Variants in MELK observed in about 807,000 individuals in gnomAD.
The protein encoded by MELK is maternal embryonic leucine zipper kinase.
MELK carries 81 observed loss-of-function variants against 85.0 expected under a neutral mutation model. The observed-to-expected ratio is 0.95, with a 90% CI of 0.80 to 1.15. The LOEUF is 1.15. Ranked by LOEUF, MELK falls within the 50% of genes most tolerant of loss-of-function variation. The pLI is 0.00. For missense variants in MELK, 754 were observed against 777.5 expected, an observed-to-expected ratio of 0.97 and a Z score of 0.36; for synonymous variants, 252 against 265.0, an observed-to-expected ratio of 0.95 and a Z score of 0.48.
chr9:36,628,612 G>T (rs774689926), intron 8 of MELK, among the ~76,000 whole-genome samples: 54 of 151,698 alleles, frequency 3.6e-4, no homozygotes, highest in Admixed American at 1.1e-3. Flanking sequence ...TAGAGACGGG[G>T]TTTCACCATG....
intron 14 of MELK, among the ~76,000 whole-genome samples, chr9:36,667,022 GTC>G (rs1832444058): frequency 6.6e-6 from 1 of 151,962 alleles, no homozygotes; most frequent in Non-Finnish European, 1.5e-5. Flanking sequence ...CAATGAAAGG[GTC>G]TCTTTCTGTT....
At chr9:36,615,026 G>A (rs1256066552) in intron 8 of MELK, among the ~76,000 whole-genome samples, 2 of 143,402 alleles carry the variant, frequency 1.4e-5, no homozygotes, top group South Asian at 2.3e-4. Context: ...GGGCAGAGGC[G>A]CCCCTCACCT....
chr9:36,662,304 G>A (rs1409456422), intron 13 of MELK, among the ~76,000 whole-genome samples: 4 of 148,166 alleles, frequency 2.7e-5, no homozygotes, highest in South Asian at 2.1e-4. Flanking sequence ...GTGCAATGGC[G>A]TGATCTCAGG....
At chr9:36,654,214 ATC>A (rs10596160) in intron 12 of MELK, among the ~76,000 whole-genome samples, 5,934 of 152,212 alleles carry the variant, frequency 0.039, 317 homozygotes, top group African/African-American at 0.11. Context: ...TGAATTTTGC[ATC>A]TGCTCAAGGT....
chr9:36,602,910 G>T (rs190508887), intron 7 of MELK, among the ~76,000 whole-genome samples: 1 of 152,246 alleles, frequency 6.6e-6, no homozygotes, highest in Admixed American at 6.5e-5. Context: ...AGATAAAGAA[G>T]ATGAAGAAAC....
At chr9:36,587,602 A>G (rs1194422180) in intron 3 of MELK, among the ~76,000 whole-genome samples, 1 of 148,398 alleles carries the variant, frequency 6.7e-6, no homozygotes, top group Non-Finnish European at 1.5e-5. Flanking sequence ...GGCATGAGCC[A>G]CTGTAGAGCC....
intron 9 of MELK, 102 bp downstream of exon 9, chr9:36,630,469 C>G (rs1828440306): frequency 4.4e-6 from 4 of 903,768 alleles, no homozygotes; most frequent in Non-Finnish European, 7.1e-6. Flanking sequence ...TGAAAAAAAT[C>G]CCACTCATAT....
chr9:36,638,715 C>T (rs1829449043), intron 10 of MELK, among the ~76,000 whole-genome samples: 1 of 152,092 alleles, frequency 6.6e-6, no homozygotes, highest in Admixed American at 6.6e-5. Context: ...AGGATAGTAC[C>T]TTTAAGAGTC....
intron 14 of MELK, among the ~76,000 whole-genome samples, chr9:36,668,766 G>A (rs1355033500): frequency 6.6e-6 from 1 of 152,080 alleles, no homozygotes; most frequent in Admixed American, 6.6e-5. Flanking sequence ...GCCCTCCTCG[G>A]CCTCCCAAGG....
At chr9:36,659,738 G>T (rs1362213004) in intron 13 of MELK, among the ~76,000 whole-genome samples, 1 of 152,114 alleles carries the variant, frequency 6.6e-6, no homozygotes, top group Non-Finnish European at 1.5e-5. Flanking sequence ...TTTCCTATTT[G>T]TATAAAACCT....
At chr9:36,582,860 A>G (rs925782398) in intron 2 of MELK, among the ~76,000 whole-genome samples, 1 of 152,094 alleles carries the variant, frequency 6.6e-6, no homozygotes, top group Non-Finnish European at 1.5e-5. Context: ...CATGGGAGAG[A>G]CTACTAGGAA....
At chr9:36,651,965 A>T (rs1262098888) in intron 12 of MELK, 88 bp downstream of exon 12, 2 of 1,273,572 alleles carry the variant, frequency 1.6e-6, no homozygotes, top group East Asian at 2.8e-5. Context: ...TTCCGGTGTC[A>T]AGGAGTCAGA....
At chr9:36,659,812 T>A (rs1022634735) in intron 13 of MELK, among the ~76,000 whole-genome samples, 10 of 152,226 alleles carry the variant, frequency 6.6e-5, no homozygotes, top group African/African-American at 2.4e-4. Flanking sequence ...TATTTTTATT[T>A]TTTTGAGATG....
intron 17 of MELK, among the ~76,000 whole-genome samples, chr9:36,676,816 A>G (rs79037597): frequency 0.02 from 3,021 of 152,284 alleles, 36 homozygotes; most frequent in Non-Finnish European, 0.035. Context: ...GAAATGCCCA[A>G]TGTTTGCGGA....
At chr9:36,633,276 TGTG>T in intron 10 of MELK, 76 bp downstream of exon 10, 2 of 995,850 alleles carry the variant, frequency 2.0e-6, no homozygotes, top group Middle Eastern at 2.2e-4. Flanking sequence ...CCTACAATGA[TGTG>T]GTCTAAATAT....
At chr9:36,610,435 A>C (rs763887911) in intron 8 of MELK, among the ~76,000 whole-genome samples, 3 of 152,244 alleles carry the variant, frequency 2.0e-5, no homozygotes, top group Non-Finnish European at 4.4e-5. Context: ...AGGAGCTCTG[A>C]TTCTGCAGGA....
intron 4 of MELK, among the ~76,000 whole-genome samples, chr9:36,589,920 G>GCTT (rs1554715717): frequency 2.4e-5 from 3 of 125,812 alleles, no homozygotes; most frequent in African/African-American, 6.2e-5. Context: ...ACTCATTCTA[G>GCTT]TTTTTTTTTT....
intron 13 of MELK, among the ~76,000 whole-genome samples, chr9:36,660,259 T>A (rs1831658297): frequency 6.6e-6 from 1 of 152,246 alleles, no homozygotes; most frequent in African/African-American, 2.4e-5. Context: ...TGTTAGTTTA[T>A]TGTGGTCACC....
chr9:36,618,366 G>C (rs373407036), intron 8 of MELK, among the ~76,000 whole-genome samples: 5 of 144,062 alleles, frequency 3.5e-5, no homozygotes, highest in Non-Finnish European at 7.5e-5. Context: ...CTGAGATTGC[G>C]CCACTGCACT....
Sources: gnomAD v4.1 joint callset for allele counts (sites outside exome capture counted in the v4.1 genomes callset) on GRCh38, gnomAD v4.1.1 for gene constraint, MANE v1.5 for transcripts, NCBI Gene and HGNC (gene_info 2026-07-23, HGNC 2026-07-21) for gene names.